The following UPF1 variants were observed in gnomAD, a reference collection of about 807,000 sequenced individuals.
The protein encoded by UPF1 is regulator of nonsense transcripts 1.
Under a neutral mutation model 129.2 loss-of-function variants are expected in UPF1, and 9 were observed. That is an observed-to-expected ratio of 0.07 (90% CI 0.04 to 0.12). UPF1 has a LOEUF of 0.12. Among genes scored for constraint, UPF1 ranks in the 10% least tolerant of loss-of-function variants. The pLI is 1.00. For missense variants in UPF1, 788 were observed against 1,525.3 expected, an observed-to-expected ratio of 0.52 and a Z score of 8.05; for synonymous variants, 649 against 644.9, an observed-to-expected ratio of 1.01 and a Z score of -0.10.
chr19:18,855,811 G>T, intron 11 of UPF1, 114 bp from the exon 12 acceptor site: 1 of 1,407,466 alleles, frequency 7.1e-7, no homozygotes, highest in Non-Finnish European at 9.5e-7. Context: ...TCACACCACT[G>T]CACTCCAGCC....
intron 1 of UPF1, among the ~76,000 whole-genome samples, chr19:18,839,946 C>G (rs2055524245): frequency 6.6e-6 from 1 of 152,104 alleles, no homozygotes; most frequent in Admixed American, 6.5e-5. Context: ...GCTGTACCTG[C>G]CAGGCAGAGG....
intron 1 of UPF1, among the ~76,000 whole-genome samples, chr19:18,834,426 G>A (rs1337231403): frequency 6.6e-6 from 1 of 152,192 alleles, no homozygotes; most frequent in African/African-American, 2.4e-5. Context: ...TGTGGGGCAT[G>A]TCCTTCTCTT....
intron 1 of UPF1, among the ~76,000 whole-genome samples, chr19:18,837,980 G>C (rs1199491441): frequency 1.3e-5 from 2 of 152,234 alleles, no homozygotes; most frequent in Non-Finnish European, 2.9e-5. Flanking sequence ...TTCTCTGAGT[G>C]TGTAAACCTG....
chr19:18,863,401 C>G (rs2055803079), intron 18 of UPF1, 37 bp from the exon 19 acceptor site: 1 of 1,599,522 alleles, frequency 6.3e-7, no homozygotes, highest in African/African-American at 1.3e-5. Flanking sequence ...ACGGGCAGCT[C>G]TCCACCTGCG....
chr19:18,842,374 G>A (rs1372596796), intron 1 of UPF1, among the ~76,000 whole-genome samples: 1 of 152,176 alleles, frequency 6.6e-6, no homozygotes, highest in East Asian at 1.9e-4. Context: ...TGGGGATGTG[G>A]AGAAAGCCCT....
At chr19:18,834,278 G>T (rs537836266) in intron 1 of UPF1, among the ~76,000 whole-genome samples, 1 of 152,250 alleles carries the variant, frequency 6.6e-6, no homozygotes, top group Non-Finnish European at 1.5e-5. Flanking sequence ...GAGCGTGACA[G>T]CGCGGATCGG....
chr19:18,841,650 C>G (rs2055542412), intron 1 of UPF1, among the ~76,000 whole-genome samples: 2 of 152,158 alleles, frequency 1.3e-5, no homozygotes, highest in Non-Finnish European at 2.9e-5. Flanking sequence ...GGACTGAACC[C>G]CTCATTGTCA....
Position 18,856,062 on chromosome 19 carries a change from T to C in UPF1, c.1682T>C (p.Leu561Pro), listed in dbSNP as rs1206061112. ...GACTCCCCGGTGTCTTTTCTGGCCC[T>C]GCACAACCAGATCAGGAACATGGAC... ...AIDSPVSFLA[L>P]HNQIRNMDSM... Residue 561 changes from leucine to proline, a missense_variant, in exon 12 of 24, where the codon CTG becomes CCG. Leu to Pro is a moderately conservative substitution (Grantham distance 98). This residue lies in a region of UPF1 where 91 missense variants were observed against 157.2 expected (regional missense o/e 0.58). Coordinates refer to ENST00000262803, the MANE Select transcript of UPF1 (RefSeq NM_002911.4). 1 of 1,613,956 alleles carries C rather than the reference T, an allele frequency of 6.2e-7. No individual in the cohort carries two copies. Among genetic ancestry groups the C allele is most frequent in the Non-Finnish European group, 8.5e-7 (1 of 1,180,028 alleles).
In UPF1 at chr19:18,855,806, C is replaced by T. The variant is rs1601118589; in HGVS notation, c.1545-119C>T. On this transcript the variant is annotated intron_variant, in intron 11 of 23. Transcript: ENST00000262803. The stretch of plus-strand genomic sequence containing the variant: ...GAGGCTGCAATTAGCTGAGATCACA[C>T]CACTGCACTCCAGCCTGGGCAACAG... 3.6e-6 allele frequency: 5 copies of T among 1,377,258 alleles called. No homozygotes were observed. The African/African-American group carries it at 5.8e-5, about 16-fold the overall frequency. 85.3% of individuals were successfully genotyped at this position (1,377,258 alleles called of 1,614,324 possible).
At position 18,865,590 on chromosome 19, in the gene UPF1, C is replaced by T. The variant is rs749634234; in HGVS notation, c.3049C>T (p.Arg1017Cys). The T allele has an allele frequency of 3.7e-6, 6 of 1,613,914 alleles. No homozygotes were observed. Among genetic ancestry groups the T allele is most frequent in the East Asian group, 4.5e-5 (2 of 44,876 alleles). Reference sequence around the variant, plus strand: ...AGGCACCCCGAAAGGCAAGACTGGTCGTGGGGGACGCCAGAAGAACCGCTT... The same window carrying T: ...AGGCACCCCGAAAGGCAAGACTGGTTGTGGGGGACGCCAGAAGAACCGCTT... The part of the protein sequence containing the change: ...GRGTPKGKTG[R>C]GGRQKNRFGL... The change falls in exon 22 of 24, where the codon CGT becomes TGT. Residue 1017 changes from arginine to cysteine, a missense_variant. Physicochemically the swap from Arg to Cys is radical, Grantham distance 180. Transcript: ENST00000262803. The surrounding 1 kb of genome is among the most constrained non-coding windows in gnomAD (Gnocchi z 6.1).
chr19:18,852,218 C>T lies in UPF1; in HGVS notation c.894C>T (p.Asp298=), dbSNP rs779100457. The change falls in exon 6 of 24, where the codon GAC becomes GAT. Residue 298 remains aspartate (D), a synonymous_variant. Coordinates refer to ENST00000262803, the MANE Select transcript of UPF1 (RefSeq NM_002911.4). Reference sequence around the variant, plus strand: ...AGCATGTCCTCCTGCGGTACGAGGACGCCTACCAGTACCAGAACATATTCG... The same window carrying T: ...AGCATGTCCTCCTGCGGTACGAGGATGCCTACCAGTACCAGAACATATTCG... ...EPQHVLLRYE[D]AYQYQNIFGP... is the part of the protein sequence containing the mutation. 1.7e-5 allele frequency: 27 copies of T among 1,613,518 alleles called. No homozygotes were observed. The highest frequency in any genetic ancestry group is 1.6e-4 in the Middle Eastern group (1 of 6,072).
At chr19:18,845,920 C>A in intron 1 of UPF1, 60 bp from the exon 2 acceptor site, 1 of 1,591,700 alleles carries the variant, frequency 6.3e-7, no homozygotes. Context: ...GAGGCTGGTT[C>A]TTCTGCACTG....
chr19:18,835,088 C>G (rs1292894231), intron 1 of UPF1, among the ~76,000 whole-genome samples: 6 of 152,110 alleles, frequency 3.9e-5, no homozygotes, highest in Non-Finnish European at 8.8e-5. Context: ...AACCCTGCAC[C>G]CCTTAGCCCA....
intron 17 of UPF1, among the ~76,000 whole-genome samples, chr19:18,861,644 G>A (rs575371801): frequency 1.3e-5 from 2 of 152,180 alleles, no homozygotes; most frequent in African/African-American, 4.8e-5. Flanking sequence ...ACCAACCTGG[G>A]CAACGTAGGG....
chr19:18,857,073 G>A, intron 14 of UPF1, 53 bp downstream of exon 14: 1 of 1,577,578 alleles, frequency 6.3e-7, no homozygotes, highest in East Asian at 2.2e-5. Context: ...GTGATTCTTG[G>A]TGTTTGTCTT....
chr19:18,836,517 G>A (rs999921268), intron 1 of UPF1, among the ~76,000 whole-genome samples: 3 of 152,196 alleles, frequency 2.0e-5, no homozygotes, highest in Non-Finnish European at 4.4e-5. Context: ...GCAGACCAGT[G>A]GTGGCTGGAC....
intron 1 of UPF1, among the ~76,000 whole-genome samples, chr19:18,838,042 CT>C (rs2055501791): frequency 6.6e-6 from 1 of 152,240 alleles, no homozygotes; most frequent in East Asian, 1.9e-4. Context: ...AAAGTTGCTA[CT>C]TTGTCTTCAA....
In UPF1 at chr19:18,860,855, C is replaced by T. The variant is rs1375181884; in HGVS notation, c.2330C>T (p.Thr777Ile). The T allele has an allele frequency of 1.4e-5, 22 of 1,612,096 alleles. No homozygotes were observed. The highest frequency in any genetic ancestry group is 1.9e-5 in the Non-Finnish European group (22 of 1,179,514). The change falls in exon 17 of 24, where the codon ACC (threonine) becomes ATC (isoleucine). Residue 777 changes from threonine (T) to isoleucine (I), a missense_variant. Physicochemically the swap from Thr to Ile is moderately conservative, Grantham distance 89 (BLOSUM62 -1). Coordinates refer to ENST00000262803, the MANE Select transcript of UPF1 (RefSeq NM_002911.4). The part of the protein sequence containing the change: ...RTEAANVEKI[T>I]TKLLKAGAKP... Reference sequence around the variant, plus strand: ...GAGGCTGCGAACGTGGAGAAGATCACCACGAAGTTGCTGAAGGCAGGCGCC... The same window carrying T: ...GAGGCTGCGAACGTGGAGAAGATCATCACGAAGTTGCTGAAGGCAGGCGCC...
intron 19 of UPF1, 66 bp from the exon 20 acceptor site, chr19:18,864,104 C>A: frequency 6.8e-7 from 1 of 1,463,944 alleles, no homozygotes; most frequent in Non-Finnish European, 9.6e-7. Context: ...CCCAGGCCAC[C>A]GGGCCCGTGG....
Sources: gnomAD v4.1 joint callset for allele counts (sites outside exome capture counted in the v4.1 genomes callset) on GRCh38, gnomAD v4.1.1 for gene constraint, gnomAD v4.1.1 regional missense constraint, Gnocchi (gnomAD v3.1) non-coding constraint, MANE v1.5 for transcripts, NCBI Gene and HGNC (gene_info 2026-07-23, HGNC 2026-07-21) for gene names.